Variants in CDAN1 observed in about 807,000 individuals in gnomAD.
The protein encoded by CDAN1 is codanin-1.
CDAN1 carries 107 observed loss-of-function variants against 139.8 expected under a neutral mutation model. The ratio of observed to expected loss-of-function variants is 0.77; its 90% confidence interval spans 0.65 to 0.90. The LOEUF is 0.90. Among genes scored for constraint, CDAN1 ranks in the 40% least tolerant of loss-of-function variants. The pLI is 0.00. For missense variants in CDAN1, 1,667 were observed against 1,575.7 expected (o/e 1.06, Z -0.98); for synonymous variants, 776 against 660.6 (o/e 1.17, Z -2.68).
rs987155959 is a variant in CDAN1 at position 42,737,103 on chromosome 15, C to T, written c.-1G>A. ...GCAGCGACTCCAAAACGGCCGCCAT[C>T]CCGGTCGGGGCGCTCTGGGGCGACT... On this transcript the variant is annotated 5_prime_UTR_variant, in exon 1 of 28. Transcript: ENST00000356231. 5 of 1,513,226 alleles carry T rather than the reference C, an allele frequency of 3.3e-6. No individual in the cohort carries two copies. The highest frequency in any genetic ancestry group is 1.2e-5 in the South Asian group (1 of 81,010). The allele number at this position is 1,513,226 out of a possible 1,614,324, so 93.7% of individuals were successfully genotyped here. A position where few individuals can be genotyped will look rare whatever the true frequency, so the allele number is the denominator to read the frequency against.
intron 8 of CDAN1, 38 bp downstream of exon 8, chr15:42,733,900 A>T (rs1283721313): frequency 2.1e-6 from 3 of 1,443,876 alleles, no homozygotes; most frequent in Non-Finnish European, 2.9e-6. Flanking sequence ...GAAAAATGTC[A>T]TCTCATTCCC....
At chr15:42,726,257 T>A in intron 24 of CDAN1, 53 bp downstream of exon 24, 1 of 1,596,342 alleles carries the variant, frequency 6.3e-7, no homozygotes. Context: ...GGTTATCAGG[T>A]CTCACACAAG....
chr15:42,731,535 G>A (rs1270125110), intron 11 of CDAN1, 85 bp downstream of exon 11: 2 of 1,475,760 alleles, frequency 1.4e-6, no homozygotes, highest in South Asian at 1.1e-5. Flanking sequence ...CCAGGCAAAG[G>A]AGACTGGAGA....
chr15:42,729,392 C>T (rs1174858589), intron 17 of CDAN1, 30 bp from the exon 18 acceptor site: 1 of 1,613,854 alleles, frequency 6.2e-7, no homozygotes, highest in South Asian at 1.1e-5. Context: ...GTTCTCAGTT[C>T]CAGAACCCTC....
At chr15:42,731,463 C>T (rs569058090) in intron 11 of CDAN1, 132 bp from the exon 12 acceptor site, 26 of 1,448,032 alleles carry the variant, frequency 1.8e-5, no homozygotes, top group East Asian at 4.5e-5. Flanking sequence ...AAATCACCCA[C>T]GTGGGTGACA....
intron 11 of CDAN1, 25 bp downstream of exon 11, chr15:42,731,595 C>T (rs758581727): frequency 9.9e-6 from 16 of 1,611,410 alleles, no homozygotes; most frequent in African/African-American, 2.7e-5. Flanking sequence ...CTGCCCCATT[C>T]CTTGCAAGAC....
chr15:42,736,954 T>C, intron 1 of CDAN1, 59 bp downstream of exon 1: 1 of 1,505,646 alleles, frequency 6.6e-7, no homozygotes, highest in Non-Finnish European at 9.0e-7. Context: ...ACTGGAGGGC[T>C]GGACTCCACT....
chr15:42,725,235 A>G lies in CDAN1; in HGVS notation c.3467T>C (p.Phe1156Ser). 2 of 1,614,168 alleles carry G rather than the reference A, an allele frequency of 1.2e-6. No homozygotes were observed. Among genetic ancestry groups the G allele is most frequent in the Non-Finnish European group, 1.7e-6 (2 of 1,179,984 alleles). The change falls in exon 27 of 28, where the codon TTC (phenylalanine) becomes TCC (serine). Residue 1156 changes from phenylalanine to serine, a missense_variant. By Grantham distance (155) the Phe-to-Ser change is radical (BLOSUM62 -2). This residue lies in a region of CDAN1 where 936 missense variants were observed against 844.1 expected (regional missense o/e 1.11). Transcript: ENST00000356231. Reference protein sequence around the residue: ...TRPREWDLLLFLLRELVEKGL... With the variant: ...TRPREWDLLLSLLRELVEKGL... ...CTTCTCCACCAGCTCCCGTAGCAAG[A>G]ATAGCAGCAAGTCCCACTGCAAAAC...
chr15:42,726,487 C>T (rs1364878983), intron 23 of CDAN1, 70 bp from the exon 24 acceptor site: 6 of 1,260,056 alleles, frequency 4.8e-6, no homozygotes, highest in Non-Finnish European at 6.8e-6. Flanking sequence ...TGGCTTGGGA[C>T]AGGGATCAGC....
At chr15:42,735,218 C>G in intron 5 of CDAN1, 40 bp from the exon 6 acceptor site, 1 of 1,601,208 alleles carries the variant, frequency 6.2e-7, no homozygotes, top group Non-Finnish European at 8.6e-7. Flanking sequence ...AGAACGGTCC[C>G]GTTTCTAGAC....
Position 42,725,493 on chromosome 15 carries a change from C to T in CDAN1, c.3446G>A (p.Arg1149Lys). Residue 1149 changes from arginine (R) to lysine (K), a missense_variant, in exon 26 of 28, where the codon AGG becomes AAG. Arg to Lys is a conservative substitution (Grantham distance 26). Around this residue, in one of 3 missense-constraint regions of CDAN1, gnomAD observed 936 missense variants for 844.1 expected, o/e 1.11. Transcript: ENST00000356231. ...TTCTTGTTCCGTCTGACTCACCTCC[C>T]TTGGCCTTGTGTCTGCCAGAAGCCC... ...NVGLLADTRP[R>K]EWDLLLFLLR... 1.2e-6 allele frequency: 2 copies of T among 1,614,186 alleles called. No individual in the cohort carries two copies. Among genetic ancestry groups the T allele is most frequent in the Non-Finnish European group, 1.7e-6 (2 of 1,180,022 alleles).
At chr15:42,725,310 G>A in intron 26 of CDAN1, 59 bp from the exon 27 acceptor site, 2 of 1,542,122 alleles carry the variant, frequency 1.3e-6, no homozygotes, top group Non-Finnish European at 1.8e-6. Flanking sequence ...CCTGATGACA[G>A]AGATTGAGAT....
In CDAN1 at chr15:42,724,050, G is replaced by GTGAT; in HGVS notation, c.*437_*440dup. On this transcript the variant is annotated 3_prime_UTR_variant, in exon 28 of 28. Transcript: ENST00000356231. ...TAAGGAGATGGCAGTCCAGCTCCTG[G>GTGAT]TGATAAGAAAATGTAGACTCCCAAG... 3.7e-6 allele frequency: 1 copy of GTGAT among 266,868 alleles called. No individual in the cohort carries two copies. Among genetic ancestry groups the GTGAT allele is most frequent in the Middle Eastern group, 1.4e-3 (1 of 734 alleles). The allele number at this position is 266,868 out of a possible 1,614,324, so 16.5% of individuals were successfully genotyped here.
In CDAN1 at chr15:42,735,967, T is replaced by C; in HGVS notation, c.681A>G (p.Gln227=). The change falls in exon 3 of 28, where the codon CAA becomes CAG. Residue 227 remains glutamine (Q), a synonymous_variant. Coordinates refer to ENST00000356231, the MANE Select transcript of CDAN1 (RefSeq NM_138477.4). The part of the protein sequence containing the change: ...SPPISCVPSS[Q]PSALDTSPWG... Reference sequence around the variant, plus strand: ...AAGGGCTAGTGTCCAGGGCTGAGGGTTGGGAACTGGGGACACAGCTGATTG... The same window carrying C: ...AAGGGCTAGTGTCCAGGGCTGAGGGCTGGGAACTGGGGACACAGCTGATTG... 6.2e-7 allele frequency: 1 copy of C among 1,613,972 alleles called. No homozygotes were observed. Among genetic ancestry groups the C allele is most frequent in the Non-Finnish European group, 8.5e-7 (1 of 1,179,968 alleles).
Position 42,726,167 on chromosome 15 carries a change from T to C in CDAN1, c.3205-7A>G, listed in dbSNP as rs373329905. The C allele has an allele frequency of 5.0e-6, 8 of 1,613,518 alleles. No individual in the cohort carries two copies. Among genetic ancestry groups the C allele is most frequent in the African/African-American group, 1.3e-5 (1 of 74,746 alleles). On this transcript the variant is annotated splice_polypyrimidine_tract_variant and splice_region_variant and intron_variant, in intron 24 of 27. Coordinates refer to ENST00000356231, the MANE Select transcript of CDAN1 (RefSeq NM_138477.4). ...CAGCAGGTGGGCACAGGAACTGCGG[T>C]TGGGGTGGGGGGGAAAGAGAGACCA...
At chr15:42,725,867 C>T (rs1166560358) in intron 25 of CDAN1, among the ~76,000 whole-genome samples, 197 bp from the exon 26 acceptor site, 1 of 149,938 alleles carries the variant, frequency 6.7e-6, no homozygotes, top group East Asian at 2.0e-4. Flanking sequence ...CCTGTAGTCC[C>T]AGCTACTTGG....
In CDAN1 at chr15:42,734,294, G is replaced by A. The variant is rs756376237; in HGVS notation, c.1189C>T (p.Arg397Trp). 14 of 1,613,968 alleles carry A rather than the reference G, an allele frequency of 8.7e-6. No homozygotes were observed. Among genetic ancestry groups the A allele is most frequent in the Non-Finnish European group, 1.1e-5 (13 of 1,180,032 alleles). ...AGAGCTGGTGAGAAGCACAGCAGCC[G>A]CTCATTCTCAGCCAGCAGCTTCAAG... The part of the protein sequence containing the change: ...GTLKLLAENE[R>W]LLCFSPALQG... The change falls in exon 7 of 28, where the codon CGG becomes TGG. Residue 397 changes from arginine to tryptophan, a missense_variant. Arg to Trp is a moderately radical substitution (Grantham distance 101). Transcript: ENST00000356231.
At chr15:42,725,108 G>A (rs1321433221) in intron 27 of CDAN1, 36 bp downstream of exon 27, 1 of 1,524,316 alleles carries the variant, frequency 6.6e-7, no homozygotes, top group Non-Finnish European at 9.1e-7. Flanking sequence ...TGTAACACCT[G>A]TTCTCTCTCC....
intron 20 of CDAN1, 54 bp from the exon 21 acceptor site, chr15:42,728,321 G>A (rs2061560405): frequency 3.2e-6 from 5 of 1,579,708 alleles, no homozygotes; most frequent in Non-Finnish European, 4.4e-6. Context: ...CCTGGCTGCA[G>A]AAGTAAATGC....
Sources: allele counts gnomAD v4.1 joint callset (sites outside exome capture counted in the v4.1 genomes callset), GRCh38; gene constraint gnomAD v4.1.1; regional missense constraint gnomAD v4.1.1; transcripts MANE v1.5; gene names NCBI Gene and HGNC (gene_info 2026-07-23, HGNC 2026-07-21).